CCSER1: variants seen among roughly 807,000 people sequenced by gnomAD.
CCSER1 encodes the protein coiled-coil serine rich protein 1.
A neutral mutation model predicts 82.0 loss-of-function variants in CCSER1; 41 were observed. The ratio of observed to expected loss-of-function variants is 0.50; its 90% CI spans 0.39 to 0.65. The LOEUF is 0.65. Ranked by LOEUF, CCSER1 falls within the 30% of genes least tolerant of loss-of-function variation. The pLI is 0.00. For synonymous variants in CCSER1, 414 were observed against 383.9 expected (o/e 1.08, Z -0.92); for missense variants, 1,119 against 1,064.2 (o/e 1.05, Z -0.72).
intron 7 of CCSER1, among the ~76,000 whole-genome samples, chr4:90,804,696 G>A (rs1018553021): frequency 5.3e-5 from 8 of 152,158 alleles, no homozygotes; most frequent in African/African-American, 1.9e-4. Flanking sequence ...TTTCTATTTA[G>A]TTAATAGTCT....
At position 91,011,852 on chromosome 4, in the gene CCSER1, T is replaced by C. The variant is rs72884779; in HGVS notation, c.2173-74098T>C. Among the ~76,000 whole-genome samples, 954 of 134,506 alleles carry C rather than the reference T, an allele frequency of 7.1e-3. 92 individuals carry two copies. Among genetic ancestry groups the C allele is most frequent in the African/African-American group, 0.021 (851 of 40,460 alleles). The allele number at this position is 134,506 out of a possible 152,430, so 88.2% of individuals were successfully genotyped here. On this transcript the variant is annotated intron_variant, in intron 9 of 10. Transcript: ENST00000509176. ...GTACAGGAACAGCCAAGGCATAGAATTGTGGAACACAATTGTGGCTTGGGC... is the reference window on the plus strand; with the variant it reads ...GTACAGGAACAGCCAAGGCATAGAACTGTGGAACACAATTGTGGCTTGGGC...
chr4:90,702,603 G>A (rs997263901), intron 6 of CCSER1, among the ~76,000 whole-genome samples: 3 of 152,090 alleles, frequency 2.0e-5, no homozygotes, highest in African/African-American at 2.4e-5. Flanking sequence ...GTCTGGTCCC[G>A]TACTTTTTTT....
chr4:91,250,162 C>T (rs183184506), intron 10 of CCSER1, among the ~76,000 whole-genome samples: 245 of 151,988 alleles, frequency 1.6e-3, no homozygotes, highest in African/African-American at 5.7e-3. Context: ...TTGCCCACAC[C>T]TTTCACACAT....
chr4:90,919,992 T>C (rs770654658), intron 8 of CCSER1, among the ~76,000 whole-genome samples: 3 of 151,976 alleles, frequency 2.0e-5, no homozygotes, highest in African/African-American at 4.8e-5. Flanking sequence ...GTCAGGGGCA[T>C]AGATTTATTT....
At chr4:90,207,508 C>G (rs989875830) in intron 1 of CCSER1, among the ~76,000 whole-genome samples, 1 of 152,182 alleles carries the variant, frequency 6.6e-6, no homozygotes, top group Non-Finnish European at 1.5e-5. Flanking sequence ...ATTCGTCAAG[C>G]TCATTCACCA....
chr4:90,890,430 G>C (rs748187620), intron 8 of CCSER1, among the ~76,000 whole-genome samples: 17 of 152,118 alleles, frequency 1.1e-4, no homozygotes, highest in Admixed American at 6.6e-5. Flanking sequence ...GTGCACATGT[G>C]CTCCAGGTGA....
intron 10 of CCSER1, among the ~76,000 whole-genome samples, chr4:91,305,171 AGATT>A (rs1262532671): frequency 3.3e-5 from 5 of 152,074 alleles, no homozygotes; most frequent in African/African-American, 9.6e-5. Flanking sequence ...TCAAGTTATT[AGATT>A]GTTTATAGAA....
intron 5 of CCSER1, among the ~76,000 whole-genome samples, chr4:90,533,296 C>T (rs1023498137): frequency 4.6e-5 from 7 of 151,904 alleles, no homozygotes; most frequent in African/African-American, 7.3e-5. Context: ...GGGGTTTCAC[C>T]GTGTTAGCCA....
chr4:90,237,070 A>G (rs1745940729), intron 1 of CCSER1, among the ~76,000 whole-genome samples: 1 of 152,202 alleles, frequency 6.6e-6, no homozygotes, highest in South Asian at 2.1e-4. Flanking sequence ...ATTGTAAAGA[A>G]GTCTATTTAT....
intron 10 of CCSER1, among the ~76,000 whole-genome samples, chr4:91,156,645 T>C (rs1386773668): frequency 6.6e-6 from 1 of 151,838 alleles, no homozygotes; most frequent in Non-Finnish European, 1.5e-5. Flanking sequence ...CCAACTGAGA[T>C]GACTAACCAT....
intron 10 of CCSER1, among the ~76,000 whole-genome samples, chr4:91,496,597 T>C (rs1191283623): frequency 4.1e-5 from 1 of 24,152 alleles, no homozygotes; most frequent in African/African-American, 9.7e-5. Flanking sequence ...CACGAATATA[T>C]ATTTGAATAT....
At chr4:90,346,579 A>G (rs1742391625) in intron 3 of CCSER1, among the ~76,000 whole-genome samples, 1 of 152,024 alleles carries the variant, frequency 6.6e-6, no homozygotes, top group African/African-American at 2.4e-5. Context: ...TAATTTGTCT[A>G]GATTTATGAA....
intron 10 of CCSER1, among the ~76,000 whole-genome samples, chr4:91,143,862 C>G (rs1729280958): frequency 6.6e-6 from 1 of 152,016 alleles, no homozygotes; most frequent in Admixed American, 6.6e-5. Context: ...TTATGTGCTG[C>G]TGGGTTTGGC....
At chr4:90,809,891 C>CTAAATAAA (rs148634848) in intron 7 of CCSER1, among the ~76,000 whole-genome samples, 6 of 151,122 alleles carry the variant, frequency 4.0e-5, no homozygotes, top group East Asian at 2.0e-4. Flanking sequence ...TACCCTGTCT[C>CTAAATAAA]TAAATAAATG....
intron 7 of CCSER1, among the ~76,000 whole-genome samples, chr4:90,728,154 A>G (rs186411741): frequency 6.6e-6 from 1 of 152,266 alleles, no homozygotes; most frequent in East Asian, 1.9e-4. Flanking sequence ...CAGTACCTGG[A>G]ATGCACAATG....
chr4:90,276,197 T>C (rs985200344), intron 1 of CCSER1, among the ~76,000 whole-genome samples: 1 of 40,382 alleles, frequency 2.5e-5, no homozygotes, highest in Non-Finnish European at 5.1e-5. Flanking sequence ...TTTCTTTCTT[T>C]CTTTCTTTCT....
chr4:90,461,058 T>TAAAAATATA (rs1560553037), intron 4 of CCSER1, among the ~76,000 whole-genome samples: 1 of 86,384 alleles, frequency 1.2e-5, no homozygotes, highest in African/African-American at 7.7e-5. Context: ...AGGCTATTTT[T>TAAAAATATA]TTTTTTTTTT....
intron 5 of CCSER1, among the ~76,000 whole-genome samples, chr4:90,615,865 C>T (rs955654029): frequency 6.6e-6 from 1 of 152,066 alleles, no homozygotes; most frequent in Non-Finnish European, 1.5e-5. Context: ...AATGGAATTG[C>T]ATGCTACAGA....
At chr4:90,513,116 G>C (rs1012706337) in intron 5 of CCSER1, among the ~76,000 whole-genome samples, 3 of 152,100 alleles carry the variant, frequency 2.0e-5, no homozygotes, top group African/African-American at 7.2e-5. Context: ...ACTCACTTGA[G>C]GTTAAAGGGC....
Sources: allele counts gnomAD v4.1 joint callset (sites outside exome capture counted in the v4.1 genomes callset), GRCh38; gene constraint gnomAD v4.1.1; transcripts MANE v1.5; gene names NCBI Gene and HGNC (gene_info 2026-07-23, HGNC 2026-07-21).